The following SH3BP4 variants were observed in gnomAD, a reference collection of about 807,000 sequenced individuals.
SH3BP4 encodes SH3 domain binding protein 4, also known as SH3 domain-binding protein 4.
Under a neutral mutation model 65.5 loss-of-function variants are expected in SH3BP4, and 33 were observed. The ratio of observed to expected loss-of-function variants is 0.50; its 90% confidence interval spans 0.38 to 0.67. SH3BP4 has a LOEUF of 0.67. SH3BP4 is among the 30% of genes least tolerant of loss of function. The pLI, the probability that SH3BP4 is intolerant of heterozygous loss-of-function variation, is 0.00. For synonymous variants in SH3BP4, 552 were observed against 545.5 expected (o/e 1.01, Z -0.17); for missense variants, 1,134 against 1,261.4 (o/e 0.90, Z 1.53).
chr2:235,042,543 C>G lies in SH3BP4; in HGVS notation c.1774C>G (p.Gln592Glu). The change falls in exon 4 of 6, where the codon CAG becomes GAG. Residue 592 changes from glutamine (Q) to glutamate (E), a missense_variant. By Grantham distance (29) the Gln-to-Glu change is conservative (BLOSUM62 2). Coordinates refer to ENST00000392011, the MANE Select transcript of SH3BP4 (RefSeq NM_014521.3). This position sits in a 1 kb window ranked among gnomAD's most constrained non-coding sequence, Gnocchi z 7.3. ...GCTCTCTGACTTCACGCTGCGGGTT[C>G]AGGTGAAGGACGACCAGGAGGCCAT... ...NELSDFTLRV[Q>E]VKDDQEAILT... 4 of 1,614,186 alleles carry G rather than the reference C, an allele frequency of 2.5e-6. No homozygotes were observed. Among genetic ancestry groups the G allele is most frequent in the Non-Finnish European group, 3.4e-6 (4 of 1,180,026 alleles).
At chr2:234,994,087 C>T (rs1693837911) in intron 1 of SH3BP4, among the ~76,000 whole-genome samples, 1 of 152,176 alleles carries the variant, frequency 6.6e-6, no homozygotes, top group Non-Finnish European at 1.5e-5. Context: ...ACGTAGAGAT[C>T]AACTATACAA....
At chr2:235,025,969 G>T (rs1376595769) in intron 2 of SH3BP4, among the ~76,000 whole-genome samples, 1 of 152,206 alleles carries the variant, frequency 6.6e-6, no homozygotes, top group Non-Finnish European at 1.5e-5. Context: ...ACGGAGGAAG[G>T]TGTGAAGAAT....
chr2:234,957,713 C>T (rs1692619607), intron 1 of SH3BP4, among the ~76,000 whole-genome samples: 2 of 151,862 alleles, frequency 1.3e-5, no homozygotes, highest in Non-Finnish European at 2.9e-5. Context: ...TGGAAAGCTT[C>T]CCGGGTGACT....
At chr2:234,973,029 C>A (rs746003596) in intron 1 of SH3BP4, among the ~76,000 whole-genome samples, 1 of 152,142 alleles carries the variant, frequency 6.6e-6, no homozygotes, top group Non-Finnish European at 1.5e-5. Context: ...AGCCATTGTC[C>A]TTTTGTCTGT....
At chr2:235,050,125 CT>C (rs911907521) in intron 4 of SH3BP4, among the ~76,000 whole-genome samples, 5 of 151,022 alleles carry the variant, frequency 3.3e-5, no homozygotes, top group African/African-American at 1.2e-4. Context: ...TTTTTCTTTT[CT>C]TTTTTTTGAG....
At chr2:234,989,424 G>T (rs1336606288) in intron 1 of SH3BP4, among the ~76,000 whole-genome samples, 1 of 152,120 alleles carries the variant, frequency 6.6e-6, no homozygotes, top group East Asian at 1.9e-4. Flanking sequence ...ACCCTAGCTG[G>T]TCTCTTGGCA....
intron 2 of SH3BP4, among the ~76,000 whole-genome samples, chr2:235,013,510 C>T (rs1694585438): frequency 6.6e-6 from 1 of 152,134 alleles, no homozygotes; most frequent in Non-Finnish European, 1.5e-5. Context: ...CACTCATTTG[C>T]ATTAGTAATT....
intron 1 of SH3BP4, among the ~76,000 whole-genome samples, chr2:234,987,608 G>A (rs538009556): frequency 2.0e-5 from 3 of 152,256 alleles, no homozygotes; most frequent in South Asian, 2.1e-4. Context: ...TTATTCATGC[G>A]AGAGAGTTCC....
At chr2:234,984,655 G>A (rs76406192) in intron 1 of SH3BP4, among the ~76,000 whole-genome samples, 130 of 152,232 alleles carry the variant, frequency 8.5e-4, no homozygotes, top group African/African-American at 3.0e-3. Context: ...GACCAGAACC[G>A]ACTGAGTGCT....
chr2:235,017,551 G>T (rs1032947382), intron 2 of SH3BP4, among the ~76,000 whole-genome samples: 1 of 152,032 alleles, frequency 6.6e-6, no homozygotes, highest in Non-Finnish European at 1.5e-5. Context: ...ACCGTCATCT[G>T]TGGGGTTATC....
At chr2:235,020,652 ACATTTTGAGTC>A (rs1455092893) in intron 2 of SH3BP4, among the ~76,000 whole-genome samples, 1 of 152,202 alleles carries the variant, frequency 6.6e-6, no homozygotes, top group Admixed American at 6.5e-5. Context: ...TGCAAAGAAA[ACATTTTGAGTC>A]CTCTTCCGAC....
chr2:235,041,435 C>A lies in SH3BP4; in HGVS notation c.666C>A (p.Val222=), dbSNP rs1695639086. ...GCAACATCTTCGATGAGCTTCCAGT[C>A]ACAAACGGACTCCACGCAGAGCCGC... The part of the protein sequence containing the change: ...STGNIFDELP[V]TNGLHAEPPV... The change falls in exon 4 of 6, where the codon GTC becomes GTA. Residue 222 remains valine (V), a synonymous_variant. Coordinates refer to ENST00000392011, the MANE Select transcript of SH3BP4 (RefSeq NM_014521.3). This position sits in a 1 kb window ranked among gnomAD's most constrained non-coding sequence, Gnocchi z 6.0. 1.2e-6 allele frequency: 2 copies of A among 1,614,188 alleles called. No homozygotes were observed. Among genetic ancestry groups the A allele is most frequent in the African/African-American group, 2.7e-5 (2 of 75,070 alleles).
At position 235,040,943 on chromosome 2, in the gene SH3BP4, G is replaced by T; in HGVS notation, c.174G>T (p.Lys58Asn). 1 of 1,614,154 alleles carries T rather than the reference G, an allele frequency of 6.2e-7. No individual in the cohort carries two copies. Reference sequence around the variant, plus strand: ...ACCCCACACCTTTCGGAAATGCAAAGGAAGTGATTGCGATCAAGGACTATT... The same window carrying T: ...ACCCCACACCTTTCGGAAATGCAAATGAAGTGATTGCGATCAAGGACTATT... ...VDNPTPFGNAKEVIAIKDYCP... is the reference protein window; with the variant it reads ...VDNPTPFGNANEVIAIKDYCP... Residue 58 changes from lysine to asparagine, a missense_variant, in exon 4 of 6, where the codon AAG (lysine) becomes AAT (asparagine). Lys to Asn is a moderately conservative substitution (Grantham distance 94). Transcript: ENST00000392011.
At chr2:234,964,497 G>A (rs1042404402) in intron 1 of SH3BP4, among the ~76,000 whole-genome samples, 3 of 149,304 alleles carry the variant, frequency 2.0e-5, no homozygotes, top group African/African-American at 7.4e-5. Context: ...GGGCATTCAA[G>A]TGCACCAGGG....
At chr2:234,982,993 G>C (rs1693434498) in intron 1 of SH3BP4, among the ~76,000 whole-genome samples, 1 of 152,190 alleles carries the variant, frequency 6.6e-6, no homozygotes, top group African/African-American at 2.4e-5. Context: ...TGGATCGGTG[G>C]ACCTGAGACC....
At chr2:235,027,969 C>T (rs528769382) in intron 2 of SH3BP4, among the ~76,000 whole-genome samples, 5 of 152,248 alleles carry the variant, frequency 3.3e-5, no homozygotes, top group South Asian at 2.1e-4. Flanking sequence ...TGACAGCAGC[C>T]GTAGCGGAGG....
intron 2 of SH3BP4, among the ~76,000 whole-genome samples, chr2:235,013,675 C>T (rs1694594401): frequency 6.6e-6 from 1 of 152,170 alleles, no homozygotes; most frequent in Non-Finnish European, 1.5e-5. Flanking sequence ...TCCAGGGTCT[C>T]CGTTCTGCTC....
chr2:234,982,631 G>A (rs979067850), intron 1 of SH3BP4, among the ~76,000 whole-genome samples: 1 of 152,146 alleles, frequency 6.6e-6, no homozygotes, highest in Non-Finnish European at 1.5e-5. Context: ...GCCTCAGTGT[G>A]GGGCTTGAGG....
intron 1 of SH3BP4, among the ~76,000 whole-genome samples, chr2:234,970,111 A>T (rs915970487): frequency 1.7e-4 from 26 of 151,874 alleles, no homozygotes; most frequent in African/African-American, 6.0e-4. Flanking sequence ...ACTCACTCAC[A>T]CACACTCTCA....
Sources: allele counts gnomAD v4.1 joint callset (sites outside exome capture counted in the v4.1 genomes callset), GRCh38; gene constraint gnomAD v4.1.1; non-coding constraint Gnocchi (gnomAD v3.1); transcripts MANE v1.5; gene names NCBI Gene and HGNC (gene_info 2026-07-23, HGNC 2026-07-21).